FNDC3B: variants seen among roughly 807,000 people sequenced by gnomAD.
The protein encoded by FNDC3B is fibronectin type III domain containing 3B.
In FNDC3B, 12 loss-of-function variants were observed where a neutral mutation model predicts 151.5. That is an observed-to-expected ratio of 0.08 (90% confidence interval 0.05 to 0.13). The LOEUF (loss-of-function observed/expected upper bound fraction) is 0.13. Ranked by LOEUF, FNDC3B falls within the 10% of genes least tolerant of loss-of-function variation. FNDC3B has a pLI of 1.00. For missense variants in FNDC3B, 1,214 were observed against 1,505.3 expected (o/e 0.81, Z 3.20); for synonymous variants, 528 against 549.0 (o/e 0.96, Z 0.54).
At chr3:172,332,556 A>T (rs1462517754) in intron 13 of FNDC3B, among the ~76,000 whole-genome samples, 1 of 152,188 alleles carries the variant, frequency 6.6e-6, no homozygotes, top group African/African-American at 2.4e-5. Context: ...GAAGGTACTA[A>T]GTAGTATTTT....
intron 9 of FNDC3B, among the ~76,000 whole-genome samples, chr3:172,303,980 C>T (rs771588020): frequency 6.6e-6 from 1 of 152,194 alleles, no homozygotes; most frequent in African/African-American, 2.4e-5. Context: ...AGCATTGACC[C>T]TTAGCATAAC....
intron 11 of FNDC3B, among the ~76,000 whole-genome samples, chr3:172,314,236 T>G (rs1373975174): frequency 1.3e-5 from 2 of 151,226 alleles, no homozygotes; most frequent in African/African-American, 4.9e-5. Context: ...TCCCCTCCTC[T>G]CCTCTTCAAG....
intron 1 of FNDC3B, among the ~76,000 whole-genome samples, chr3:172,083,899 C>G (rs1399902534): frequency 6.6e-6 from 1 of 152,104 alleles, no homozygotes; most frequent in African/African-American, 2.4e-5. Context: ...ATAGGTTTAG[C>G]TCTGTTTCTT....
intron 23 of FNDC3B, among the ~76,000 whole-genome samples, chr3:172,373,888 T>C (rs1326991711): frequency 6.6e-6 from 1 of 152,252 alleles, no homozygotes; most frequent in Non-Finnish European, 1.5e-5. Context: ...GCATATGTGC[T>C]TTTTATTATG....
intron 1 of FNDC3B, among the ~76,000 whole-genome samples, chr3:172,105,937 G>A (rs1719624268): frequency 6.6e-6 from 1 of 152,200 alleles, no homozygotes; most frequent in Admixed American, 6.5e-5. Context: ...CAAGCAAAAT[G>A]TTTACATGTT....
At chr3:172,325,832 T>C (rs1732314814) in intron 11 of FNDC3B, among the ~76,000 whole-genome samples, 1 of 152,182 alleles carries the variant, frequency 6.6e-6, no homozygotes, top group African/African-American at 2.4e-5. Context: ...TTTTATTTTA[T>C]TTTATATTAG....
At chr3:172,091,580 T>TATGC (rs1276579801) in intron 1 of FNDC3B, among the ~76,000 whole-genome samples, 1 of 152,216 alleles carries the variant, frequency 6.6e-6, no homozygotes, top group East Asian at 1.9e-4. Flanking sequence ...TGTATGTGTG[T>TATGC]ATGCATGCAT....
At chr3:172,207,152 A>G (rs1485161674) in intron 3 of FNDC3B, among the ~76,000 whole-genome samples, 1 of 152,144 alleles carries the variant, frequency 6.6e-6, no homozygotes, top group Non-Finnish European at 1.5e-5. Flanking sequence ...TTTATCTGCT[A>G]GTCAGTAATT....
chr3:172,059,153 A>G (rs1717061120), intron 1 of FNDC3B, among the ~76,000 whole-genome samples: 1 of 152,230 alleles, frequency 6.6e-6, no homozygotes. Flanking sequence ...TAAGTGTAGT[A>G]CTAGTGTAAC....
chr3:172,378,176 G>C (rs1198992172), intron 23 of FNDC3B, 94 bp from the exon 24 acceptor site: 1 of 1,016,864 alleles, frequency 9.8e-7, no homozygotes, highest in Non-Finnish European at 1.4e-6. Flanking sequence ...CGTTTACCAG[G>C]TTGGCCTAAT....
chr3:172,337,578 G>T, intron 16 of FNDC3B, 177 bp downstream of exon 16: 1 of 514,270 alleles, frequency 1.9e-6, no homozygotes, highest in East Asian at 3.2e-5. Flanking sequence ...CAGCACCAGA[G>T]ATCAGAGTCT....
chr3:172,359,062 G>A (rs949476835), intron 22 of FNDC3B, among the ~76,000 whole-genome samples: 79 of 151,390 alleles, frequency 5.2e-4, no homozygotes, highest in African/African-American at 1.9e-3. Flanking sequence ...TATATGCCTA[G>A]GAGATACTCA....
chr3:172,317,657 C>A (rs1406477080), intron 11 of FNDC3B, among the ~76,000 whole-genome samples: 1 of 152,164 alleles, frequency 6.6e-6, no homozygotes, highest in Admixed American at 6.5e-5. Flanking sequence ...ATAAGTTGGA[C>A]AACAGCCGAT....
At chr3:172,182,554 G>A (rs982137230) in intron 3 of FNDC3B, among the ~76,000 whole-genome samples, 3 of 152,200 alleles carry the variant, frequency 2.0e-5, no homozygotes, top group African/African-American at 7.2e-5. Context: ...CATTTGCTAG[G>A]TGAGTGGGCA....
chr3:172,133,343 C>A, intron 2 of FNDC3B, 128 bp from the exon 3 acceptor site: 1 of 703,928 alleles, frequency 1.4e-6, no homozygotes, highest in Non-Finnish European at 2.4e-6. Context: ...GACTTATACT[C>A]CAAGTTTTGT....
At chr3:172,068,689 T>C (rs1576833650) in intron 1 of FNDC3B, among the ~76,000 whole-genome samples, 1 of 152,256 alleles carries the variant, frequency 6.6e-6, no homozygotes, top group East Asian at 1.9e-4. Context: ...CCTCCCAAAA[T>C]GCTGGGATTA....
chr3:172,385,529 T>C (rs1169966497), intron 25 of FNDC3B, among the ~76,000 whole-genome samples: 2 of 151,624 alleles, frequency 1.3e-5, no homozygotes, highest in Non-Finnish European at 2.9e-5. Context: ...TCACCCCTAA[T>C]AGGATAATAT....
chr3:172,316,786 C>T (rs1407361014), intron 11 of FNDC3B, among the ~76,000 whole-genome samples: 4 of 152,140 alleles, frequency 2.6e-5, no homozygotes, highest in African/African-American at 9.7e-5. Flanking sequence ...TCTAAAGAAA[C>T]CTGAATTAAT....
chr3:172,108,410 A>G (rs1294527493), intron 1 of FNDC3B, among the ~76,000 whole-genome samples: 1 of 152,270 alleles, frequency 6.6e-6, no homozygotes, highest in Non-Finnish European at 1.5e-5. Context: ...AGTTAACTGT[A>G]TGGATGAAAG....
Sources: gnomAD v4.1 joint callset for allele counts (sites outside exome capture counted in the v4.1 genomes callset) on GRCh38, gnomAD v4.1.1 for gene constraint, MANE v1.5 for transcripts, NCBI Gene and HGNC (gene_info 2026-07-23, HGNC 2026-07-21) for gene names.